NEK5: variants seen among roughly 807,000 people sequenced by gnomAD.
NEK5 encodes NIMA related kinase 5, also known as serine/threonine-protein kinase Nek5.
In NEK5, 88 loss-of-function variants were observed where a neutral mutation model predicts 109.2. The ratio of observed to expected loss-of-function variants is 0.81; its 90% CI spans 0.68 to 0.96. The LOEUF (loss-of-function observed/expected upper bound fraction) is 0.96, where lower values mean the gene tolerates loss of function less well. NEK5 is among the 40% of genes least tolerant of loss of function. NEK5 has a pLI of 0.00. For synonymous variants in NEK5, 283 were observed against 299.9 expected, an observed-to-expected ratio of 0.94 and a Z score of 0.58; for missense variants, 834 against 920.7, an observed-to-expected ratio of 0.91 and a Z score of 1.22.
chr13:52,051,438 A>C (rs1954505424), intron 22 of NEK5, among the ~76,000 whole-genome samples: 1 of 152,086 alleles, frequency 6.6e-6, no homozygotes, highest in Non-Finnish European at 1.5e-5. Context: ...ATCCCTCCTT[A>C]GGTTGGTCTG....
intron 21 of NEK5, among the ~76,000 whole-genome samples, chr13:52,063,442 G>A (rs1346305045): frequency 6.6e-5 from 10 of 152,166 alleles, no homozygotes; most frequent in African/African-American, 9.6e-5. Context: ...CCTCCCAGCC[G>A]CCTGCCTTGG....
At chr13:52,095,874 A>G (rs1455290165) in intron 12 of NEK5, among the ~76,000 whole-genome samples, 1 of 152,076 alleles carries the variant, frequency 6.6e-6, no homozygotes, top group African/African-American at 2.4e-5. Context: ...TATGCTTTGG[A>G]TTTGTGTCTC....
chr13:52,123,514 A>G (rs747001096), intron 3 of NEK5, among the ~76,000 whole-genome samples: 27 of 152,340 alleles, frequency 1.8e-4, no homozygotes, highest in Non-Finnish European at 3.4e-4. Flanking sequence ...TCCTAAGTAT[A>G]TACCAGCTTC....
In NEK5 at chr13:52,102,288, T is replaced by C. The variant is rs55693002; in HGVS notation, c.614A>G (p.Glu205Gly). ...YELCTLKHPF[E>G]GNNLQQLVLK... ...AACCAGCTGCTGTAAGTTGTTACCC[T>C]CAAACTGAAAGGACAAGGAGAAATG... Residue 205 changes from glutamate to glycine, a missense_variant, in exon 10 of 24, where the codon GAG becomes GGG. By Grantham distance (98) the Glu-to-Gly change is moderately conservative (BLOSUM62 -2). Transcript: ENST00000684899. 3.2e-4 allele frequency: 518 copies of C among 1,612,838 alleles called. 2 individuals carry two copies. The African/African-American group carries it at 5.8e-3, about 18-fold the overall frequency.
chr13:52,072,846 G>A (rs992270047), intron 19 of NEK5, among the ~76,000 whole-genome samples: 6 of 152,150 alleles, frequency 3.9e-5, no homozygotes, highest in African/African-American at 1.4e-4. Context: ...GACTTAAAAG[G>A]TGAATTCAGA....
At chr13:52,124,753 T>C (rs1370998520) in intron 3 of NEK5, among the ~76,000 whole-genome samples, 2 of 152,238 alleles carry the variant, frequency 1.3e-5, no homozygotes, top group African/African-American at 2.4e-5. Flanking sequence ...AATTTATTTA[T>C]AGTGTTTGTT....
intron 22 of NEK5, among the ~76,000 whole-genome samples, chr13:52,053,445 A>G (rs898794044): frequency 2.0e-5 from 3 of 151,614 alleles, no homozygotes; most frequent in Admixed American, 6.6e-5. Flanking sequence ...CCTATTTTTA[A>G]TTTTTTTTTC....
chr13:52,046,434 G>A (rs112679960), intron 23 of NEK5, among the ~76,000 whole-genome samples: 3 of 150,432 alleles, frequency 2.0e-5, no homozygotes, highest in East Asian at 1.9e-4. Flanking sequence ...AGCCATGATC[G>A]GGCCACTGCA....
chr13:52,066,222 AT>A (rs979763699), intron 20 of NEK5, among the ~76,000 whole-genome samples: 7 of 152,182 alleles, frequency 4.6e-5, no homozygotes, highest in Non-Finnish European at 1.0e-4. Flanking sequence ...CAATCATAAT[AT>A]TCTGCTTTAT....
At chr13:52,100,882 T>C (rs2137997058) in intron 11 of NEK5, among the ~76,000 whole-genome samples, 1 of 152,340 alleles carries the variant, frequency 6.6e-6, no homozygotes. Flanking sequence ...TCTTTAACTT[T>C]CCTTGATTTT....
intron 3 of NEK5, among the ~76,000 whole-genome samples, chr13:52,125,746 T>C (rs1956053725): frequency 6.6e-6 from 1 of 152,050 alleles, no homozygotes; most frequent in Non-Finnish European, 1.5e-5. Flanking sequence ...GGACACATGG[T>C]TGAGGACATA....
chr13:52,073,192 G>T (rs1954810198), intron 19 of NEK5, among the ~76,000 whole-genome samples: 1 of 151,928 alleles, frequency 6.6e-6, no homozygotes, highest in Non-Finnish European at 1.5e-5. Flanking sequence ...GAGTAAAATA[G>T]CTCTTTTATT....
intron 17 of NEK5, among the ~76,000 whole-genome samples, chr13:52,079,501 T>C (rs915236736): frequency 6.6e-6 from 1 of 152,266 alleles, no homozygotes; most frequent in Non-Finnish European, 1.5e-5. Context: ...GGGGTTTCGC[T>C]GTGTTGGCCG....
chr13:52,042,517 G>C (rs942583186), intron 23 of NEK5, among the ~76,000 whole-genome samples: 3 of 151,660 alleles, frequency 2.0e-5, no homozygotes, highest in African/African-American at 7.3e-5. Flanking sequence ...AAACAATGTT[G>C]ATAATTGTTG....
intron 12 of NEK5, among the ~76,000 whole-genome samples, chr13:52,097,988 C>T (rs1955452437): frequency 2.6e-5 from 4 of 152,120 alleles, no homozygotes; most frequent in African/African-American, 9.7e-5. Flanking sequence ...AAGTGTGTAG[C>T]ACCTCCCCCT....
chr13:52,077,241 C>G (rs1954885003), intron 17 of NEK5, among the ~76,000 whole-genome samples: 1 of 152,214 alleles, frequency 6.6e-6, no homozygotes, highest in Non-Finnish European at 1.5e-5. Flanking sequence ...GCAGTGGGCA[C>G]TGAAAACGTA....
chr13:52,076,143 C>A lies in NEK5; in HGVS notation c.1573G>T (p.Asp525Tyr), dbSNP rs55776590. Residue 525 changes from aspartate (D) to tyrosine (Y), a missense_variant and splice_region_variant, in exon 18 of 24, where the codon GAC (aspartate) becomes TAC (tyrosine). Transcript: ENST00000684899. Reference protein sequence around the residue: ...DASEGEAPVQDIEKDLKQMRL... With the variant: ...DASEGEAPVQYIEKDLKQMRL... Reference sequence around the variant, plus strand: ...ATTTGTTTCAAGTCTTTTTCAATGTCCTGAAAATTTAGAGAAAAATACAAT... The same window carrying A: ...ATTTGTTTCAAGTCTTTTTCAATGTACTGAAAATTTAGAGAAAAATACAAT... 3.2e-3 allele frequency: 4,932 copies of A among 1,562,596 alleles called. 129 individuals are homozygous for A. In the African/African-American group the frequency reaches 0.057, roughly 18 times the overall value.
chr13:52,081,070 G>A (rs1019404894), intron 17 of NEK5, among the ~76,000 whole-genome samples: 1 of 152,038 alleles, frequency 6.6e-6, no homozygotes, highest in African/African-American at 2.4e-5. Flanking sequence ...GGAACATTCT[G>A]TTAGGAACAA....
At chr13:52,094,503 G>A (rs913371370) in intron 12 of NEK5, among the ~76,000 whole-genome samples, 2 of 152,188 alleles carry the variant, frequency 1.3e-5, no homozygotes, top group African/African-American at 4.8e-5. Context: ...CACATAATTG[G>A]CTGGGCGCAG....
Sources: gnomAD v4.1 joint callset for allele counts (sites outside exome capture counted in the v4.1 genomes callset) on GRCh38, gnomAD v4.1.1 for gene constraint, MANE v1.5 for transcripts, NCBI Gene and HGNC (gene_info 2026-07-23, HGNC 2026-07-21) for gene names.